ENTREP2: variants seen among roughly 807,000 people sequenced by gnomAD.
ENTREP2 encodes endosomal transmembrane epsin interactor 2, also known as protein ENTREP2.
chr15:29,167,105 C>T, the ENTREP2 span, among the ~76,000 whole-genome samples: 1 of 151,996 alleles, frequency 6.6e-6, no homozygotes, highest in Non-Finnish European at 1.5e-5. Context: ...TTGGGATAAT[C>T]GGCTAGCCAC....
At chr15:29,602,586 G>A in the ENTREP2 span, among the ~76,000 whole-genome samples, 1 of 152,004 alleles carries the variant, frequency 6.6e-6, no homozygotes, top group East Asian at 1.9e-4. Context: ...TGCCCAGTCT[G>A]GAGTGCAGTG....
At chr15:29,284,342 G>C in the ENTREP2 span, among the ~76,000 whole-genome samples, 1 of 152,042 alleles carries the variant, frequency 6.6e-6, no homozygotes, top group Non-Finnish European at 1.5e-5. Flanking sequence ...CAGATCACTT[G>C]AGGTCAGGAG....
the ENTREP2 span, among the ~76,000 whole-genome samples, chr15:29,127,796 T>C: frequency 6.6e-6 from 1 of 152,136 alleles, no homozygotes; most frequent in African/African-American, 2.4e-5. Flanking sequence ...GGGGCTCAGG[T>C]AGCACCAGCC....
chr15:29,324,113 T>C, the ENTREP2 span, among the ~76,000 whole-genome samples: 1 of 152,146 alleles, frequency 6.6e-6, no homozygotes, highest in South Asian at 2.1e-4. Context: ...AGAATTTTTT[T>C]TTTTTAATAC....
At chr15:29,238,052 A>AT in the ENTREP2 span, among the ~76,000 whole-genome samples, 5 of 152,362 alleles carry the variant, frequency 3.3e-5, no homozygotes, top group African/African-American at 1.2e-4. Flanking sequence ...ACATGCTGCA[A>AT]TATGTATGAA....
chr15:29,332,345 G>A, the ENTREP2 span, among the ~76,000 whole-genome samples: 3 of 151,980 alleles, frequency 2.0e-5, no homozygotes, highest in African/African-American at 7.3e-5. Flanking sequence ...AAAATCTGTG[G>A]TTACTTTAGA....
the ENTREP2 span, among the ~76,000 whole-genome samples, chr15:29,356,968 C>G: frequency 0.13 from 19,299 of 151,962 alleles, 2,167 homozygotes; most frequent in African/African-American, 0.3. Context: ...CCTTCCTCCT[C>G]ACAGGTATCT....
At chr15:29,224,042 G>A in the ENTREP2 span, among the ~76,000 whole-genome samples, 1 of 152,202 alleles carries the variant, frequency 6.6e-6, no homozygotes, top group African/African-American at 2.4e-5. Flanking sequence ...CGAAGCCGTG[G>A]ACCCTCACAC....
At chr15:29,477,540 T>A in the ENTREP2 span, among the ~76,000 whole-genome samples, 1 of 152,116 alleles carries the variant, frequency 6.6e-6, no homozygotes, top group African/African-American at 2.4e-5. Context: ...GCCCATTAAA[T>A]TTTTCAAGGA....
chr15:29,666,533 T>C, the ENTREP2 span, among the ~76,000 whole-genome samples: 1 of 152,156 alleles, frequency 6.6e-6, no homozygotes. Flanking sequence ...CTAGACTATT[T>C]TGATCATGAA....
At chr15:29,431,580 T>A in the ENTREP2 span, among the ~76,000 whole-genome samples, 1 of 152,134 alleles carries the variant, frequency 6.6e-6, no homozygotes, top group Non-Finnish European at 1.5e-5. Flanking sequence ...AAAATTTATA[T>A]AACATATATA....
At chr15:29,462,045 T>C in the ENTREP2 span, among the ~76,000 whole-genome samples, 1 of 152,210 alleles carries the variant, frequency 6.6e-6, no homozygotes, top group African/African-American at 2.4e-5. Flanking sequence ...CAGCACCATG[T>C]CAAGGTTCAT....
chr15:29,353,399 C>T, the ENTREP2 span, among the ~76,000 whole-genome samples: 1 of 152,148 alleles, frequency 6.6e-6, no homozygotes, highest in Non-Finnish European at 1.5e-5. Flanking sequence ...GAAGGTCCCA[C>T]CTGGACGGGC....
the ENTREP2 span, among the ~76,000 whole-genome samples, chr15:29,646,896 A>G: frequency 0.051 from 7,795 of 152,220 alleles, 638 homozygotes; most frequent in African/African-American, 0.17. Flanking sequence ...CAGAGAAATC[A>G]ATGGGTTACT....
the ENTREP2 span, among the ~76,000 whole-genome samples, chr15:29,449,290 A>C: frequency 6.6e-6 from 1 of 152,200 alleles, no homozygotes. Context: ...AGAAAGAAGC[A>C]ACCAGGGACA....
At chr15:29,392,366 C>G in the ENTREP2 span, among the ~76,000 whole-genome samples, 1 of 127,650 alleles carries the variant, frequency 7.8e-6, no homozygotes, top group African/African-American at 2.9e-5. Context: ...CACCCCCGAC[C>G]CCGATTAAAG....
At chr15:29,552,726 T>C in the ENTREP2 span, among the ~76,000 whole-genome samples, 4 of 152,200 alleles carry the variant, frequency 2.6e-5, no homozygotes, top group Non-Finnish European at 5.9e-5. Flanking sequence ...GTTACACGTC[T>C]ACAAAACAAG....
At chr15:29,672,867 T>A in the ENTREP2 span, among the ~76,000 whole-genome samples, 841 of 152,174 alleles carry the variant, frequency 5.5e-3, 9 homozygotes, top group African/African-American at 0.019. Context: ...GGTTCTTGGA[T>A]CTCACGCAAG....
the ENTREP2 span, among the ~76,000 whole-genome samples, chr15:29,380,423 AGAG>A: frequency 1.3e-5 from 2 of 152,194 alleles, no homozygotes; most frequent in South Asian, 2.1e-4. Context: ...AATCACTTAA[AGAG>A]GAGATTTTAA....
Sources: gnomAD v4.1 joint callset for allele counts (sites outside exome capture counted in the v4.1 genomes callset) on GRCh38, gnomAD v4.1.1 for gene constraint, MANE v1.5 for transcripts, NCBI Gene and HGNC (gene_info 2026-07-23, HGNC 2026-07-21) for gene names.